The following KCNT1 variants were observed in gnomAD, a reference collection of about 807,000 sequenced individuals.
KCNT1 encodes potassium sodium-activated channel subfamily T member 1.
KCNT1 carries 78 observed loss-of-function variants against 147.8 expected under a neutral mutation model. The observed-to-expected ratio is 0.53, with a 90% confidence interval of 0.44 to 0.64. KCNT1 has a LOEUF of 0.64. KCNT1 is among the 30% of genes least tolerant of loss of function. KCNT1 has a pLI of 0.00. For missense variants in KCNT1, 1,419 were observed against 1,750.3 expected, an observed-to-expected ratio of 0.81 and a Z score of 3.38; for synonymous variants, 867 against 748.8, an observed-to-expected ratio of 1.16 and a Z score of -2.58.
intron 1 of KCNT1, among the ~76,000 whole-genome samples, chr9:135,704,749 A>G (rs774762098): frequency 4.3e-4 from 66 of 152,274 alleles, no homozygotes; most frequent in Non-Finnish European, 7.8e-4. Context: ...GCCAGGGTAC[A>G]TGCCTGGCCC....
At chr9:135,790,982 G>C (rs1834458292) in intron 29 of KCNT1, 2 of 152,380 alleles carry the variant, frequency 1.3e-5, no homozygotes, top group African/African-American at 4.8e-5. Context: ...GTCTCTCCAG[G>C]ACCGTTCTCA....
chr9:135,720,392 G>C (rs747195393), intron 2 of KCNT1, among the ~76,000 whole-genome samples: 2 of 46,118 alleles, frequency 4.3e-5, no homozygotes, highest in African/African-American at 2.0e-4. Flanking sequence ...TCAGCTGGTC[G>C]GGGAAGTGCC....
chr9:135,752,656 C>T lies in KCNT1; in HGVS notation c.435-1281C>T, dbSNP rs1471077443. ...ATGGATGGACGGACGGACGGATGGA[C>T]GGATGGATGGAGTGGATGGAGGGAT... On this transcript the variant is annotated intron_variant, in intron 4 of 30. Transcript: ENST00000371757. This position sits in a 1 kb window ranked among gnomAD's most constrained non-coding sequence, Gnocchi z 5.1. Among the ~76,000 whole-genome samples, 1 of 143,242 alleles carries T rather than the reference C, an allele frequency of 7.0e-6. No homozygotes were observed. Among genetic ancestry groups the T allele is most frequent in the Non-Finnish European group, 1.5e-5 (1 of 66,014 alleles). The allele number at this position is 143,242 out of a possible 152,430, so 94.0% of individuals were successfully genotyped here.
chr9:135,755,117 C>T lies in KCNT1; in HGVS notation c.492-4C>T. The T allele has an allele frequency of 4.3e-6, 7 of 1,610,506 alleles. No individual in the cohort carries two copies. Among genetic ancestry groups the T allele is most frequent in the Non-Finnish European group, 5.9e-6 (7 of 1,178,166 alleles). On this transcript the variant is annotated splice_region_variant and splice_polypyrimidine_tract_variant and intron_variant, in intron 5 of 30. Transcript: ENST00000371757. The stretch of plus-strand genomic sequence containing the variant: ...CTACTGTGCTGCCTCCTTTCTCTTC[C>T]CAGGGCTCCTATTCTGTGGGTGGAG...
At chr9:135,737,784 CCT>C (rs1830402965) in intron 2 of KCNT1, among the ~76,000 whole-genome samples, 1 of 152,086 alleles carries the variant, frequency 6.6e-6, no homozygotes, top group African/African-American at 2.4e-5. Context: ...CTGTTGGGCC[CCT>C]CCCGGCACCC....
At chr9:135,764,362 A>AG (rs1832113995) in intron 11 of KCNT1, among the ~76,000 whole-genome samples, 1 of 152,188 alleles carries the variant, frequency 6.6e-6, no homozygotes, top group Non-Finnish European at 1.5e-5. Flanking sequence ...CAGGAGGTTG[A>AG]GGCAGGAGGA....
rs888927687 is a variant in KCNT1, at chr9:135,795,028, T to C, written c.*2867T>C. ...CCTAGAATAAGCGAAAAGAATTTTT[T>C]TTAATGTTTTACGGTAGAATTATTT... is the stretch of plus-strand genomic sequence containing the variant. On this transcript the variant is annotated 3_prime_UTR_variant, in exon 31 of 31. Coordinates refer to ENST00000371757, the MANE Select transcript of KCNT1 (RefSeq NM_020822.3). 3.9e-5 allele frequency: 6 copies of C among 152,220 alleles called. No individual in the cohort carries two copies. Among genetic ancestry groups the C allele is most frequent in the African/African-American group, 1.4e-4 (6 of 41,454 alleles). The allele number at this position is 152,220 out of a possible 1,614,324, so 9.4% of individuals were successfully genotyped here. A position where few individuals can be genotyped will look rare whatever the true frequency, so the allele number is the denominator to read the frequency against.
chr9:135,746,804 CCG>C (rs1195058715), intron 2 of KCNT1, among the ~76,000 whole-genome samples: 4 of 151,796 alleles, frequency 2.6e-5, no homozygotes, highest in African/African-American at 9.7e-5. Context: ...CTGGGCACCC[CCG>C]CCTAGGAGGA....
intron 7 of KCNT1, 21 bp downstream of exon 7, chr9:135,756,953 G>T: frequency 6.2e-7 from 1 of 1,607,924 alleles, no homozygotes; most frequent in South Asian, 1.1e-5. Flanking sequence ...GCCCGGGATG[G>T]CACCTCACAG....
chr9:135,702,459 C>T lies in KCNT1; in HGVS notation c.110+91C>T, dbSNP rs1022345459. ...CCTCAGGCTCCCGCACCCTCCAGGACCCGCCATTCCCAGGGCCATCCAACT... is the reference window on the plus strand; with the variant it reads ...CCTCAGGCTCCCGCACCCTCCAGGATCCGCCATTCCCAGGGCCATCCAACT... On this transcript the variant is annotated intron_variant, in intron 1 of 30. Transcript: ENST00000371757. The T allele has an allele frequency of 6.6e-6, 7 of 1,063,400 alleles. No homozygotes were observed. In the African/African-American group the frequency reaches 1.1e-4, roughly 17 times the overall value. The allele number at this position is 1,063,400 out of a possible 1,614,324, so 65.9% of individuals were successfully genotyped here.
chr9:135,775,279 C>A, intron 19 of KCNT1, 31 bp from the exon 20 acceptor site: 1 of 1,549,058 alleles, frequency 6.5e-7, no homozygotes, highest in Non-Finnish European at 8.8e-7. Flanking sequence ...CTCTGTGCAG[C>A]TGTGCTGAGG....
At chr9:135,791,637 G>A in intron 29 of KCNT1, 160 bp from the exon 30 acceptor site, 3 of 652,810 alleles carry the variant, frequency 4.6e-6, no homozygotes, top group Non-Finnish European at 8.1e-6. Flanking sequence ...GGTCAGGGAT[G>A]GGCCCTGGCT....
intron 2 of KCNT1, among the ~76,000 whole-genome samples, chr9:135,727,037 TTC>T (rs764046866): frequency 4.8e-4 from 5 of 10,418 alleles, no homozygotes; most frequent in African/African-American, 1.6e-3. Flanking sequence ...CTCTTTCCCA[TTC>T]TCTCTCTCTC....
intron 1 of KCNT1, among the ~76,000 whole-genome samples, chr9:135,708,091 A>C (rs1258875877): frequency 2.6e-5 from 4 of 152,208 alleles, no homozygotes. Context: ...GCAGCTTTGC[A>C]CTTGCTGGAC....
intron 6 of KCNT1, 93 bp downstream of exon 6, chr9:135,755,262 C>T (rs926933588): frequency 9.2e-6 from 10 of 1,085,676 alleles, no homozygotes; most frequent in African/African-American, 8.0e-5. Context: ...AACCCAGGCT[C>T]GGTGAGCACT....
chr9:135,754,830 G>A (rs2131425830), intron 5 of KCNT1, among the ~76,000 whole-genome samples: 1 of 152,304 alleles, frequency 6.6e-6, no homozygotes, highest in South Asian at 2.1e-4. Context: ...TAGTGTCATG[G>A]GCTGCAGGCC....
chr9:135,756,780 C>A, intron 6 of KCNT1, 93 bp from the exon 7 acceptor site: 1 of 1,014,472 alleles, frequency 9.9e-7, no homozygotes, highest in Non-Finnish European at 1.6e-6. Flanking sequence ...ACACACCTGG[C>A]TTTGTGTGGT....
chr9:135,706,769 C>G (rs532648658), intron 1 of KCNT1, among the ~76,000 whole-genome samples: 28 of 152,336 alleles, frequency 1.8e-4, no homozygotes, highest in African/African-American at 6.7e-4. Context: ...CACCCAGCAG[C>G]TTTCCAGTAG....
At chr9:135,750,814 T>A in intron 3 of KCNT1, 128 bp from the exon 4 acceptor site, 1 of 789,636 alleles carries the variant, frequency 1.3e-6, no homozygotes, top group South Asian at 1.5e-5. Context: ...GAGCTCTGCG[T>A]GCAGCCCGGG....
Sources: allele counts gnomAD v4.1 joint callset (sites outside exome capture counted in the v4.1 genomes callset), GRCh38; gene constraint gnomAD v4.1.1; non-coding constraint Gnocchi (gnomAD v3.1); transcripts MANE v1.5; gene names NCBI Gene and HGNC (gene_info 2026-07-23, HGNC 2026-07-21).